The following TRMT10B variants were observed in gnomAD, a reference collection of about 807,000 sequenced individuals.
TRMT10B encodes tRNA methyltransferase 10B, also known as tRNA methyltransferase 10 homolog B.
TRMT10B carries 33 observed loss-of-function variants against 43.8 expected under a neutral mutation model. That is an observed-to-expected ratio of 0.75 (90% CI 0.57 to 1.01). The LOEUF is 1.01. Among genes scored for constraint, TRMT10B ranks in the 50% least tolerant of loss-of-function variants. TRMT10B has a pLI of 0.00. For missense variants in TRMT10B, 362 were observed against 369.8 expected, an observed-to-expected ratio of 0.98 and a Z score of 0.17; for synonymous variants, 137 against 130.6, an observed-to-expected ratio of 1.05 and a Z score of -0.34.
Position 37,761,994 on chromosome 9 carries a change from A to G in TRMT10B, c.63A>G (p.Glu21=). ...KVESPVLQGQ[E]GILEETGEDG... ...AGTCACCTGTGCTGCAGGGGCAAGA[A>G]GGCATCCTAGAGGAGACAGGTGAAG... is the stretch of plus-strand genomic sequence containing the variant. The change falls in exon 2 of 9, where the codon GAA becomes GAG. Residue 21 remains glutamate (E), a synonymous_variant. Coordinates refer to ENST00000297994, the MANE Select transcript of TRMT10B (RefSeq NM_144964.4). The G allele has an allele frequency of 6.2e-7, 1 of 1,614,032 alleles. No homozygotes were observed. Among genetic ancestry groups the G allele is most frequent in the Non-Finnish European group, 8.5e-7 (1 of 1,179,946 alleles).
chr9:37,771,071 G>C (rs1827519226), intron 7 of TRMT10B, among the ~76,000 whole-genome samples: 1 of 152,218 alleles, frequency 6.6e-6, no homozygotes, highest in African/African-American at 2.4e-5. Context: ...CTTTGAGGGA[G>C]TAGTTTGCTC....
intron 1 of TRMT10B, among the ~76,000 whole-genome samples, chr9:37,758,813 A>G (rs1563985377): frequency 6.6e-6 from 1 of 152,200 alleles, no homozygotes; most frequent in Non-Finnish European, 1.5e-5. Context: ...CTTGAGGGAA[A>G]AGAAACACAC....
chr9:37,753,099 C>G (rs187598625), upstream of TRMT10B, among the ~76,000 whole-genome samples: 1 of 151,924 alleles, frequency 6.6e-6, no homozygotes, highest in African/African-American at 2.4e-5. Flanking sequence ...CAGGTGTGCC[C>G]TCTTAAGAGA....
At chr9:37,754,613 A>G (rs566721044) in intron 1 of TRMT10B, among the ~76,000 whole-genome samples, 1 of 152,196 alleles carries the variant, frequency 6.6e-6, no homozygotes, top group Admixed American at 6.5e-5. Context: ...CTGGGTTTAT[A>G]ATCTAGTGGG....
intron 5 of TRMT10B, 54 bp downstream of exon 5, chr9:37,768,282 TAA>T: frequency 6.6e-7 from 1 of 1,524,168 alleles, no homozygotes; most frequent in Middle Eastern, 1.8e-4. Flanking sequence ...TTATTGTGGT[TAA>T]TAGTATTTTT....
Position 37,773,978 on chromosome 9 carries a change from CAAT to C in TRMT10B, c.721-2294_721-2292del, listed in dbSNP as rs770576598. ...CTCTAAAAAAAAAAAAAAAAAACAA[CAAT>C]AATAATAATTAAAAGTTTATTAGTC... On this transcript the variant is annotated intron_variant, in intron 7 of 8. Coordinates refer to ENST00000297994, the MANE Select transcript of TRMT10B (RefSeq NM_144964.4). Among the ~76,000 whole-genome samples, 4 of 140,832 alleles carry C rather than the reference CAAT, an allele frequency of 2.8e-5. No individual in the cohort carries two copies. The South Asian group carries it at 9.0e-4, about 32-fold the overall frequency. 92.4% of individuals were successfully genotyped at this position (140,832 alleles called of 152,430 possible). A position where few individuals can be genotyped will look rare whatever the true frequency, so the allele number is the denominator to read the frequency against.
intron 1 of TRMT10B, 51 bp downstream of exon 1, chr9:37,753,903 C>T (rs571353938): frequency 6.6e-6 from 1 of 152,546 alleles, no homozygotes; most frequent in South Asian, 2.1e-4. Flanking sequence ...GGGGTCTGTC[C>T]TGGGACGTCC....
At chr9:37,768,337 T>C (rs1441664349) in intron 5 of TRMT10B, 109 bp downstream of exon 5, 36 of 1,287,024 alleles carry the variant, frequency 2.8e-5, no homozygotes, top group Non-Finnish European at 3.2e-5. Context: ...TATTGAAGTC[T>C]AAAAAAATTC....
chr9:37,770,778 G>A, intron 7 of TRMT10B, 39 bp downstream of exon 7: 1 of 1,603,726 alleles, frequency 6.2e-7, no homozygotes, highest in Non-Finnish European at 8.5e-7. Context: ...GTTTTAAAAA[G>A]CAGTGCTTAC....
At chr9:37,764,568 C>T (rs777190837) in intron 4 of TRMT10B, among the ~76,000 whole-genome samples, 7 of 151,794 alleles carry the variant, frequency 4.6e-5, no homozygotes, top group Non-Finnish European at 7.4e-5. Flanking sequence ...TGAGCTACTG[C>T]GCCTGGCACA....
chr9:37,768,010 T>A, intron 4 of TRMT10B, 66 bp from the exon 5 acceptor site: 1 of 1,585,286 alleles, frequency 6.3e-7, no homozygotes, highest in Non-Finnish European at 8.6e-7. Context: ...TTGTAGCCAT[T>A]TCTTGATAGC....
intron 4 of TRMT10B, chr9:37,767,274 G>C (rs1278325443): frequency 6.6e-6 from 1 of 152,020 alleles, no homozygotes; most frequent in East Asian, 1.9e-4. Context: ...CCAGCATCTT[G>C]GGAGGCCGAG....
At chr9:37,754,433 G>A (rs998393827) in intron 1 of TRMT10B, among the ~76,000 whole-genome samples, 3 of 152,152 alleles carry the variant, frequency 2.0e-5, no homozygotes, top group African/African-American at 4.8e-5. Context: ...AACGAGAAAG[G>A]TAGACCTTAG....
chr9:37,768,950 C>T (rs1217384804), intron 5 of TRMT10B, among the ~76,000 whole-genome samples: 1 of 152,138 alleles, frequency 6.6e-6, no homozygotes, highest in African/African-American at 2.4e-5. Context: ...CCTTACTTTC[C>T]TGTCTTCGTG....
chr9:37,760,810 GGTT>G (rs1826247340), intron 1 of TRMT10B, among the ~76,000 whole-genome samples: 3 of 152,118 alleles, frequency 2.0e-5, no homozygotes. Context: ...TCATAAAAGT[GGTT>G]GTGTGACTAC....
chr9:37,759,065 TG>T (rs1826018705), intron 1 of TRMT10B, among the ~76,000 whole-genome samples: 1 of 152,178 alleles, frequency 6.6e-6, no homozygotes. Context: ...CAGTGTAAAA[TG>T]GTATAATACT....
chr9:37,753,630 A>C (rs896306018), upstream of TRMT10B, among the ~76,000 whole-genome samples: 1 of 152,236 alleles, frequency 6.6e-6, no homozygotes, highest in Non-Finnish European at 1.5e-5. Context: ...ACAGGGGTTC[A>C]GAGAAGGTGG....
chr9:37,765,740 C>T (rs890547043), intron 4 of TRMT10B, among the ~76,000 whole-genome samples: 2 of 152,190 alleles, frequency 1.3e-5, no homozygotes, highest in African/African-American at 4.8e-5. Context: ...ACATCCTCTC[C>T]AGCACCTGTT....
At chr9:37,765,930 GTTT>G (rs36167672) in intron 4 of TRMT10B, among the ~76,000 whole-genome samples, 20 of 143,328 alleles carry the variant, frequency 1.4e-4, no homozygotes, top group Non-Finnish European at 2.3e-4. Flanking sequence ...TTTTTGATGG[GTTT>G]TTTTTTTTTT....
Sources: gnomAD v4.1 joint callset for allele counts (sites outside exome capture counted in the v4.1 genomes callset) on GRCh38, gnomAD v4.1.1 for gene constraint, MANE v1.5 for transcripts, NCBI Gene and HGNC (gene_info 2026-07-23, HGNC 2026-07-21) for gene names.